Variants in MACC1 observed in about 807,000 individuals in gnomAD.
MACC1 encodes metastasis-associated in colon cancer protein 1.
Under a neutral mutation model 70.7 loss-of-function variants are expected in MACC1, and 79 were observed. The ratio of observed to expected loss-of-function variants is 1.12; its 90% CI spans 0.93 to 1.35. The LOEUF (loss-of-function observed/expected upper bound fraction) is 1.35. Ranked by LOEUF, MACC1 falls within the 40% of genes most tolerant of loss-of-function variation. The pLI is 0.00. For missense variants in MACC1, 1,106 were observed against 978.1 expected (o/e 1.13, Z -1.74); for synonymous variants, 361 against 347.2 (o/e 1.04, Z -0.44).
At chr7:20,210,886 T>G (rs1468121812) in intron 1 of MACC1, among the ~76,000 whole-genome samples, 1 of 152,216 alleles carries the variant, frequency 6.6e-6, no homozygotes, top group African/African-American at 2.4e-5. Context: ...AATTTTTGCC[T>G]CATTAATTTC....
At chr7:20,199,342 A>G (rs1201991228) in intron 1 of MACC1, among the ~76,000 whole-genome samples, 1 of 152,278 alleles carries the variant, frequency 6.6e-6, no homozygotes, top group Non-Finnish European at 1.5e-5. Context: ...ACTCATGGAA[A>G]AAGTAAGCAT....
rs1327679553 is a variant in MACC1 at position 20,185,561 on chromosome 7, AAGG to A, written c.-217-14786_-217-14784del. Among the ~76,000 whole-genome samples the A allele has an allele frequency of 5.9e-5, 9 of 152,282 alleles. No homozygotes were observed. In the East Asian group the frequency reaches 1.3e-3, roughly 23 times the overall value. On this transcript the variant is annotated intron_variant, in intron 1 of 6. Coordinates refer to ENST00000400331, the MANE Select transcript of MACC1 (RefSeq NM_182762.4). Reference sequence around the variant, plus strand: ...AAGAAAATTTTCTGCTTTTTTATAAAAGGAGGAGGATAAAAATAGAGAACAAAG... The same window carrying A: ...AAGAAAATTTTCTGCTTTTTTATAAAAGGAGGATAAAAATAGAGAACAAAG...
intron 1 of MACC1, among the ~76,000 whole-genome samples, chr7:20,208,246 T>C (rs1323362352): frequency 6.6e-6 from 1 of 152,216 alleles, no homozygotes; most frequent in African/African-American, 2.4e-5. Context: ...TGCTGCTATA[T>C]GGATACCTGA....
chr7:20,178,933 T>C (rs1037536907), intron 1 of MACC1, among the ~76,000 whole-genome samples: 2 of 152,150 alleles, frequency 1.3e-5, no homozygotes, highest in Non-Finnish European at 2.9e-5. Context: ...TAAGAACTCA[T>C]ACCTTTCTTC....
chr7:20,214,627 C>A (rs1051472435), intron 1 of MACC1, among the ~76,000 whole-genome samples: 11 of 152,064 alleles, frequency 7.2e-5, no homozygotes, highest in African/African-American at 2.7e-4. Flanking sequence ...TTAAATTAAA[C>A]TAAGTACTTT....
intron 6 of MACC1, among the ~76,000 whole-genome samples, chr7:20,147,229 C>T (rs958603829): frequency 1.3e-5 from 2 of 152,120 alleles, no homozygotes; most frequent in Non-Finnish European, 2.9e-5. Context: ...CAATAAGACT[C>T]ATTAGAAAAT....
intron 1 of MACC1, among the ~76,000 whole-genome samples, chr7:20,194,688 T>G (rs560136620): frequency 6.6e-6 from 1 of 152,336 alleles, no homozygotes; most frequent in South Asian, 2.1e-4. Flanking sequence ...AAAGGCTGTC[T>G]TTCAACTACG....
intron 1 of MACC1, among the ~76,000 whole-genome samples, chr7:20,200,769 C>A (rs1393537034): frequency 6.6e-6 from 1 of 152,202 alleles, no homozygotes; most frequent in African/African-American, 2.4e-5. Flanking sequence ...TTTCTAAGAG[C>A]CATTCAATAT....
rs768815095 is a variant in MACC1, at chr7:20,161,866, T to G, written c.-4A>C. ...GTTTTCTTTCAGTGATTAGCATTTTTCCACCTACAAAGTAAATAGATAAGT... is the reference window on the plus strand; with the variant it reads ...GTTTTCTTTCAGTGATTAGCATTTTGCCACCTACAAAGTAAATAGATAAGT... On this transcript the variant is annotated 5_prime_UTR_variant, in exon 4 of 7. Coordinates refer to ENST00000400331, the MANE Select transcript of MACC1 (RefSeq NM_182762.4). 1.0e-5 allele frequency: 16 copies of G among 1,585,784 alleles called. 1 individual carries two copies. Among genetic ancestry groups the G allele is most frequent in the Middle Eastern group, 3.3e-4 (2 of 6,028 alleles).
intron 1 of MACC1, among the ~76,000 whole-genome samples, chr7:20,201,737 C>T (rs1184099068): frequency 6.6e-6 from 1 of 150,782 alleles, no homozygotes; most frequent in African/African-American, 2.4e-5. Flanking sequence ...ACAGAGTTCA[C>T]CTTGTCCCTT....
At chr7:20,196,255 A>G (rs1782749765) in intron 1 of MACC1, among the ~76,000 whole-genome samples, 1 of 151,884 alleles carries the variant, frequency 6.6e-6, no homozygotes, top group Non-Finnish European at 1.5e-5. Context: ...ATCTCGGCTC[A>G]CTGCAAGCTC....
At chr7:20,172,392 A>G (rs138087253) in intron 1 of MACC1, among the ~76,000 whole-genome samples, 65 of 152,336 alleles carry the variant, frequency 4.3e-4, no homozygotes, top group African/African-American at 1.5e-3. Context: ...AATGTAAAAT[A>G]TTCAATGTAA....
chr7:20,210,340 C>T (rs1231251758), intron 1 of MACC1, among the ~76,000 whole-genome samples: 2 of 152,162 alleles, frequency 1.3e-5, no homozygotes, highest in Non-Finnish European at 2.9e-5. Flanking sequence ...ACTGCACATC[C>T]ACAGCCTAGG....
Position 20,135,666 on chromosome 7 carries a change from G to A in MACC1, c.*5280C>T, listed in dbSNP as rs896532332. 6.6e-6 allele frequency: 1 copy of A among 152,278 alleles called. No homozygotes were observed. Among genetic ancestry groups the A allele is most frequent in the Non-Finnish European group, 1.5e-5 (1 of 68,114 alleles). 9.4% of individuals were successfully genotyped at this position (152,278 alleles called of 1,614,324 possible). On this transcript the variant is annotated 3_prime_UTR_variant, in exon 7 of 7. Coordinates refer to ENST00000400331, the MANE Select transcript of MACC1 (RefSeq NM_182762.4). ...CCCGCCAGATCGTTTTGCTGCTGCT[G>A]AAGTTGAAGAACCACTGCCGTAATG...
Position 20,161,859 on chromosome 7 carries a change from G to C in MACC1, c.4C>G (p.Leu2Val). Reference protein sequence around the residue: MLITERKHFRSG... With the variant: MVITERKHFRSG... Reference sequence around the variant, plus strand: ...CGAAAATGTTTTCTTTCAGTGATTAGCATTTTTCCACCTACAAAGTAAATA... The same window carrying C: ...CGAAAATGTTTTCTTTCAGTGATTACCATTTTTCCACCTACAAAGTAAATA... The change falls in exon 4 of 7, where the codon CTA becomes GTA. Residue 2 changes from leucine to valine, a missense_variant. Leu to Val is a conservative substitution (Grantham distance 32). Transcript: ENST00000400331. 1 of 1,599,450 alleles carries C rather than the reference G, an allele frequency of 6.3e-7. No individual in the cohort carries two copies. Among genetic ancestry groups the C allele is most frequent in the Non-Finnish European group, 8.6e-7 (1 of 1,167,352 alleles).
intron 1 of MACC1, among the ~76,000 whole-genome samples, chr7:20,195,515 T>G (rs1562599442): frequency 6.6e-6 from 1 of 152,236 alleles, no homozygotes; most frequent in Non-Finnish European, 1.5e-5. Flanking sequence ...TCCTGACACA[T>G]GCGTATTGAG....
At chr7:20,193,071 A>G (rs1263669171) in intron 1 of MACC1, among the ~76,000 whole-genome samples, 1 of 152,166 alleles carries the variant, frequency 6.6e-6, no homozygotes, top group Admixed American at 6.5e-5. Flanking sequence ...CGCAAAATAG[A>G]ATCTGTCCCC....
intron 2 of MACC1, among the ~76,000 whole-genome samples, chr7:20,165,223 A>G (rs181808886): frequency 6.6e-6 from 1 of 152,164 alleles, no homozygotes; most frequent in Non-Finnish European, 1.5e-5. Context: ...TAATCAAACA[A>G]CCCTTTGGAA....
intron 1 of MACC1, among the ~76,000 whole-genome samples, chr7:20,176,780 T>C: frequency 6.6e-6 from 1 of 152,102 alleles, no homozygotes; most frequent in East Asian, 1.9e-4. Context: ...TGCAACAACT[T>C]AGATACATCT....
Sources: allele counts gnomAD v4.1 joint callset (sites outside exome capture counted in the v4.1 genomes callset), GRCh38; gene constraint gnomAD v4.1.1; transcripts MANE v1.5; gene names NCBI Gene and HGNC (gene_info 2026-07-23, HGNC 2026-07-21).